TTC6: variants seen among roughly 807,000 people sequenced by gnomAD.
The protein encoded by TTC6 is tetratricopeptide repeat domain 6, also known as tetratricopeptide repeat protein 6.
A neutral mutation model predicts 210.4 loss-of-function variants in TTC6; 172 were observed. The observed-to-expected ratio is 0.82, with a 90% CI of 0.72 to 0.93. The LOEUF is 0.93. TTC6 is among the 40% of genes least tolerant of loss of function. The pLI, the probability that TTC6 is intolerant of heterozygous loss-of-function variation, is 0.00. For synonymous variants in TTC6, 804 were observed against 819.6 expected, an observed-to-expected ratio of 0.98 and a Z score of 0.32; for missense variants, 2,414 against 2,318.1, an observed-to-expected ratio of 1.04 and a Z score of -0.85.
At chr14:37,713,076 C>G (rs10483492) in intron 5 of TTC6, among the ~76,000 whole-genome samples, 30,658 of 151,994 alleles carry the variant, frequency 0.2, 3,427 homozygotes, top group South Asian at 0.27. Flanking sequence ...AACTGAGATT[C>G]AGGGATTAAG....
intron 3 of TTC6, among the ~76,000 whole-genome samples, chr14:37,693,494 C>G (rs2095808337): frequency 6.6e-6 from 1 of 152,010 alleles, no homozygotes; most frequent in African/African-American, 2.4e-5. Context: ...CAATGACATT[C>G]TTCACAGAAA....
exon 29 of TTC6, chr14:37,827,309 C>T (rs1455626165): frequency 1.2e-6 from 2 of 1,613,282 alleles, no homozygotes; most frequent in Non-Finnish European, 1.7e-6. Context: ...ACCCCAAGTA[C>T]TCGCTGGCTT....
intron 9 of TTC6, 86 bp from the exon 12 acceptor site, chr14:37,738,690 G>A (rs1207870205): frequency 3.6e-6 from 4 of 1,111,818 alleles, no homozygotes; most frequent in Non-Finnish European, 4.8e-6. Context: ...CACATTAATA[G>A]TAATTGTAAC....
At chr14:37,792,773 ATGTTGTG>A (rs143495799) in intron 17 of TTC6, among the ~76,000 whole-genome samples, 2,260 of 134,076 alleles carry the variant, frequency 0.017, 65 homozygotes, top group African/African-American at 0.063. Context: ...CTATGGTCCA[ATGTTGTG>A]TGTGTGTGTG....
chr14:37,774,517 T>C (rs957609916), intron 14 of TTC6, among the ~76,000 whole-genome samples: 1 of 152,234 alleles, frequency 6.6e-6, no homozygotes, highest in African/African-American at 2.4e-5. Flanking sequence ...TTTTTAGCTC[T>C]GTTTATGTGA....
chr14:37,628,085 C>G (rs1454392396), intron 1 of TTC6, among the ~76,000 whole-genome samples: 3 of 152,204 alleles, frequency 2.0e-5, no homozygotes, highest in Non-Finnish European at 4.4e-5. Flanking sequence ...ATTCTCTTGC[C>G]TCAGCCTCCT....
In TTC6 at chr14:37,760,714, C is replaced by G. The variant is rs2095981616; in HGVS notation, c.3266+7479C>G. On this transcript the variant is annotated intron_variant, in intron 14 of 30. Transcript: ENST00000553443. ...TGCCTTTCTTTCAGAGACACCCTGC[C>G]CAGTGAGGAGGAATCTAGAGAGGCA... is the stretch of plus-strand genomic sequence containing the variant. 1.3e-5 allele frequency among the ~76,000 whole-genome samples: 2 copies of G among 152,190 alleles called. 1 individual carries two copies. The highest frequency in any genetic ancestry group is 4.1e-4 in the South Asian group (2 of 4,834).
At chr14:37,724,987 A>G (rs755960266) in exon 7 of TTC6, 9 of 1,512,282 alleles carry the variant, frequency 6.0e-6, no homozygotes, top group East Asian at 4.9e-5. Flanking sequence ...AGGAAACTCT[A>G]TATCCAAAAT....
chr14:37,782,324 C>T (rs1199845791), intron 14 of TTC6, among the ~76,000 whole-genome samples: 1 of 152,070 alleles, frequency 6.6e-6, no homozygotes, highest in Non-Finnish European at 1.5e-5. Flanking sequence ...TTGTAATTCT[C>T]CTTGAAGAGG....
chr14:37,601,313 T>G (rs1477007867), intron 1 of TTC6, among the ~76,000 whole-genome samples: 2 of 152,228 alleles, frequency 1.3e-5, no homozygotes, highest in Non-Finnish European at 2.9e-5. Flanking sequence ...TCTCCCTTAC[T>G]GGTCTAGTAG....
intron 1 of TTC6, among the ~76,000 whole-genome samples, chr14:37,605,417 G>T (rs1238048037): frequency 6.6e-6 from 1 of 152,146 alleles, no homozygotes; most frequent in Non-Finnish European, 1.5e-5. Flanking sequence ...CTGGAAAACA[G>T]AAAAACAACA....
At chr14:37,697,910 CAG>C (rs1359702453) in intron 4 of TTC6, among the ~76,000 whole-genome samples, 3 of 151,988 alleles carry the variant, frequency 2.0e-5, no homozygotes, top group East Asian at 1.9e-4. Context: ...CACACAGAGT[CAG>C]AGTCTTTTCT....
At chr14:37,647,297 T>A (rs1043823995) in intron 1 of TTC6, among the ~76,000 whole-genome samples, 5 of 152,122 alleles carry the variant, frequency 3.3e-5, no homozygotes, top group African/African-American at 1.2e-4. Flanking sequence ...GGACAATAGA[T>A]TATAGGTGGA....
At chr14:37,827,917 C>G (rs187152402) in intron 29 of TTC6, 112 of 152,460 alleles carry the variant, frequency 7.3e-4, no homozygotes, top group African/African-American at 2.6e-3. Flanking sequence ...AGTAAACATC[C>G]TTTTGGACTT....
intron 5 of TTC6, among the ~76,000 whole-genome samples, chr14:37,704,229 T>C (rs1028423069): frequency 6.6e-6 from 1 of 152,048 alleles, no homozygotes; most frequent in Non-Finnish European, 1.5e-5. Context: ...AATTATTATA[T>C]TTTTTTGTAG....
At chr14:37,604,979 G>C (rs1014279682) in intron 1 of TTC6, among the ~76,000 whole-genome samples, 2 of 152,188 alleles carry the variant, frequency 1.3e-5, no homozygotes, top group African/African-American at 4.8e-5. Context: ...TTCTTCCTGG[G>C]AGTTGAAGTC....
chr14:37,625,507 C>T (rs1451583360), intron 1 of TTC6, among the ~76,000 whole-genome samples: 1 of 149,570 alleles, frequency 6.7e-6, no homozygotes, highest in Non-Finnish European at 1.5e-5. Context: ...TAGATCGCAC[C>T]ATTGGACTCC....
chr14:37,727,729 A>G (rs1566914089), intron 7 of TTC6, among the ~76,000 whole-genome samples: 2 of 150,600 alleles, frequency 1.3e-5, no homozygotes, highest in East Asian at 3.9e-4. Context: ...GTCTTTATTT[A>G]TTTTCAAAGT....
rs192677943 is a variant in TTC6, at chr14:37,805,741, G to A, written c.4165-620G>A. On this transcript the variant is annotated intron_variant, in intron 21 of 30. Transcript: ENST00000553443. ...TTTTGAGATGGAGTTTCGCTCTGTC[G>A]CCAGGGTGGAGTGCAGTGGCGCGAT... is the stretch of plus-strand genomic sequence containing the variant. Among the ~76,000 whole-genome samples, 5 of 151,940 alleles carry A rather than the reference G, an allele frequency of 3.3e-5. No homozygotes were observed. In the East Asian group the frequency reaches 5.8e-4, roughly 18 times the overall value.
Sources: allele counts gnomAD v4.1 joint callset (sites outside exome capture counted in the v4.1 genomes callset), GRCh38; gene constraint gnomAD v4.1.1; transcripts MANE v1.5; gene names NCBI Gene and HGNC (gene_info 2026-07-23, HGNC 2026-07-21).